Variants in RALYL observed in about 807,000 individuals in gnomAD.
RALYL encodes the protein RALY RNA binding protein like.
RALYL carries 29 observed loss-of-function variants against 35.1 expected under a neutral mutation model. The observed-to-expected ratio is 0.83, with a 90% CI of 0.61 to 1.13. The LOEUF is 1.13. Ranked by LOEUF, RALYL falls within the 50% of genes most tolerant of loss-of-function variation. The pLI, the probability that RALYL is intolerant of heterozygous loss-of-function variation, is 0.00. For missense variants in RALYL, 359 were observed against 360.4 expected (o/e 1.00, Z 0.03); for synonymous variants, 120 against 127.6 (o/e 0.94, Z 0.40).
intron 1 of RALYL, among the ~76,000 whole-genome samples, chr8:84,309,210 A>G (rs1299416772): frequency 6.6e-6 from 1 of 151,344 alleles, no homozygotes; most frequent in Non-Finnish European, 1.5e-5. Flanking sequence ...AATATAAATT[A>G]TATAATTAAT....
At chr8:84,456,365 G>A (rs2050136113) in intron 1 of RALYL, among the ~76,000 whole-genome samples, 2 of 151,994 alleles carry the variant, frequency 1.3e-5, no homozygotes, top group Non-Finnish European at 1.5e-5. Flanking sequence ...AAGCCAAGAG[G>A]ATACTAAGGT....
At chr8:84,535,431 T>A (rs1024139929) in intron 2 of RALYL, among the ~76,000 whole-genome samples, 11 of 134,890 alleles carry the variant, frequency 8.2e-5, no homozygotes, top group African/African-American at 3.0e-4. Context: ...GTTAGTAGCA[T>A]CCCTGCCTTT....
chr8:84,396,696 G>C (rs528554292), intron 1 of RALYL, among the ~76,000 whole-genome samples: 1 of 151,850 alleles, frequency 6.6e-6, no homozygotes, highest in East Asian at 1.9e-4. Flanking sequence ...TTAATTAATA[G>C]AGATTAGCAA....
intron 1 of RALYL, among the ~76,000 whole-genome samples, chr8:84,340,448 T>C (rs1418566528): frequency 1.3e-5 from 2 of 152,094 alleles, no homozygotes; most frequent in African/African-American, 2.4e-5. Flanking sequence ...TTTCCCTTCC[T>C]GCTAACCCTT....
chr8:84,498,100 T>C (rs1468163897), intron 1 of RALYL, among the ~76,000 whole-genome samples: 1 of 152,050 alleles, frequency 6.6e-6, no homozygotes, highest in Non-Finnish European at 1.5e-5. Flanking sequence ...TAATAGGTAG[T>C]TTTTTAAATT....
chr8:84,222,958 C>G (rs1259702223), intron 1 of RALYL, among the ~76,000 whole-genome samples: 4 of 152,166 alleles, frequency 2.6e-5, no homozygotes, highest in African/African-American at 9.7e-5. Flanking sequence ...CCTGCCACAT[C>G]TATCTTGGAT....
chr8:84,201,509 A>T (rs1409209786), intron 1 of RALYL, among the ~76,000 whole-genome samples: 2 of 151,700 alleles, frequency 1.3e-5, no homozygotes, highest in East Asian at 3.9e-4. Context: ...GCTTTAGGAA[A>T]TGGTATTAGT....
At chr8:84,589,022 C>T (rs774551788) in intron 2 of RALYL, among the ~76,000 whole-genome samples, 34 of 152,154 alleles carry the variant, frequency 2.2e-4, no homozygotes, top group Non-Finnish European at 4.6e-4. Flanking sequence ...CTCAGCCTCC[C>T]GAGTAGTTGG....
intron 1 of RALYL, among the ~76,000 whole-genome samples, chr8:84,202,491 C>T (rs1266175906): frequency 6.6e-6 from 1 of 151,572 alleles, no homozygotes; most frequent in Non-Finnish European, 1.5e-5. Context: ...TCTGCCTCAG[C>T]CTCCCGAGTG....
chr8:84,573,200 T>G (rs1195063647), intron 2 of RALYL, among the ~76,000 whole-genome samples: 1 of 151,606 alleles, frequency 6.6e-6, no homozygotes, highest in Non-Finnish European at 1.5e-5. Flanking sequence ...TTCTGTTATT[T>G]TGTATTCCTT....
intron 1 of RALYL, among the ~76,000 whole-genome samples, chr8:84,366,041 T>C (rs1242444647): frequency 6.6e-6 from 1 of 152,180 alleles, no homozygotes; most frequent in Non-Finnish European, 1.5e-5. Flanking sequence ...TCTAGATTCA[T>C]GGTCCCAGAT....
intron 2 of RALYL, among the ~76,000 whole-genome samples, chr8:84,663,625 G>A (rs1231600987): frequency 6.6e-6 from 1 of 152,070 alleles, no homozygotes; most frequent in Non-Finnish European, 1.5e-5. Flanking sequence ...CTTCTTTTGA[G>A]AAGTGTCTGT....
Position 84,781,394 on chromosome 8 carries a change from C to A in RALYL, c.332+6740C>A, listed in dbSNP as rs141288845. ...CAATACCCATTAAATAGTTCTGCTG[C>A]GGGCAATTCTCTCTGCTAGGCTAAA... On this transcript the variant is annotated intron_variant, in intron 3 of 8. Transcript: ENST00000521268. Among the ~76,000 whole-genome samples the A allele has an allele frequency of 7.2e-4, 110 of 152,218 alleles. 1 individual carries two copies. The highest frequency in any genetic ancestry group is 5.6e-3 in the Admixed American group (86 of 15,294).
At chr8:84,571,172 C>T (rs1807890176) in intron 2 of RALYL, among the ~76,000 whole-genome samples, 1 of 151,490 alleles carries the variant, frequency 6.6e-6, no homozygotes, top group Admixed American at 6.6e-5. Flanking sequence ...GGAATCCTTC[C>T]CCCTTGATAT....
intron 3 of RALYL, among the ~76,000 whole-genome samples, chr8:84,776,541 T>C (rs752517081): frequency 6.8e-4 from 103 of 152,208 alleles, no homozygotes; most frequent in Non-Finnish European, 6.3e-4. Context: ...GGAGATGATT[T>C]ATAAAACCGA....
intron 1 of RALYL, among the ~76,000 whole-genome samples, chr8:84,504,793 A>G (rs1331381743): frequency 6.6e-6 from 1 of 152,104 alleles, no homozygotes; most frequent in Non-Finnish European, 1.5e-5. Context: ...TACCAAGTAA[A>G]GCTATATTAA....
In RALYL at chr8:84,493,994, A is replaced by G. The variant is rs566701943; in HGVS notation, c.-23-35305A>G. ...ATCTTTGCCCATGCCTATGTCCTGA[A>G]TGCTATTGCCTAGGTTTTCTTCTAG... On this transcript the variant is annotated intron_variant, in intron 1 of 8. Transcript: ENST00000521268. Among the ~76,000 whole-genome samples, 7 of 152,186 alleles carry G rather than the reference A, an allele frequency of 4.6e-5. No homozygotes were observed. In the South Asian group the frequency reaches 1.5e-3, roughly 32 times the overall value.
At chr8:84,562,663 A>G (rs993961766) in intron 2 of RALYL, among the ~76,000 whole-genome samples, 1 of 130,972 alleles carries the variant, frequency 7.6e-6, no homozygotes, top group East Asian at 2.0e-4. Context: ...AAAAATCACT[A>G]CTAACTAACA....
At chr8:84,876,655 T>G (rs1465760616) in intron 7 of RALYL, among the ~76,000 whole-genome samples, 1 of 152,122 alleles carries the variant, frequency 6.6e-6, no homozygotes, top group Non-Finnish European at 1.5e-5. Flanking sequence ...GTGCAGACTT[T>G]CTGAAGTGAA....
Sources: allele counts gnomAD v4.1 joint callset (sites outside exome capture counted in the v4.1 genomes callset), GRCh38; gene constraint gnomAD v4.1.1; transcripts MANE v1.5; gene names NCBI Gene and HGNC (gene_info 2026-07-23, HGNC 2026-07-21).